ARHGEF37: variants seen among roughly 807,000 people sequenced by gnomAD.
ARHGEF37 encodes Rho guanine nucleotide exchange factor 37.
In ARHGEF37, 55 loss-of-function variants were observed where a neutral mutation model predicts 71.1. The ratio of observed to expected loss-of-function variants is 0.77; its 90% CI spans 0.62 to 0.97. The LOEUF (loss-of-function observed/expected upper bound fraction) is 0.97. Among genes scored for constraint, ARHGEF37 ranks in the 50% least tolerant of loss-of-function variants. ARHGEF37 has a pLI of 0.00. For synonymous variants in ARHGEF37, 327 were observed against 350.6 expected, an observed-to-expected ratio of 0.93 and a Z score of 0.75; for missense variants, 765 against 836.8, an observed-to-expected ratio of 0.91 and a Z score of 1.06.
intron 2 of ARHGEF37, among the ~76,000 whole-genome samples, chr5:149,600,324 T>C (rs1763714036): frequency 6.6e-6 from 1 of 152,232 alleles, no homozygotes; most frequent in Non-Finnish European, 1.5e-5. Flanking sequence ...TAGATATTGT[T>C]CTTCAGTTAG....
chr5:149,565,293 G>A (rs866483996), intron 1 of ARHGEF37, among the ~76,000 whole-genome samples: 4 of 152,306 alleles, frequency 2.6e-5, no homozygotes, highest in East Asian at 3.9e-4. Context: ...CCAGTGGACC[G>A]ATGAGCCATG....
chr5:149,591,939 A>G (rs1763420573), intron 1 of ARHGEF37, among the ~76,000 whole-genome samples: 1 of 152,194 alleles, frequency 6.6e-6, no homozygotes, highest in Non-Finnish European at 1.5e-5. Flanking sequence ...TCAACTTATA[A>G]TGGGTTTATC....
intron 7 of ARHGEF37, among the ~76,000 whole-genome samples, chr5:149,619,639 A>G (rs1752477455): frequency 6.6e-6 from 1 of 152,296 alleles, no homozygotes; most frequent in South Asian, 2.1e-4. Flanking sequence ...TTTTGATGAC[A>G]TCTCCTGATG....
chr5:149,573,270 T>C (rs1480804600), intron 1 of ARHGEF37, among the ~76,000 whole-genome samples: 1 of 152,110 alleles, frequency 6.6e-6, no homozygotes, highest in Admixed American at 6.6e-5. Context: ...TGGGAACAAA[T>C]TTCAACATGA....
At chr5:149,605,038 C>T (rs1313003436) in intron 3 of ARHGEF37, among the ~76,000 whole-genome samples, 1 of 151,380 alleles carries the variant, frequency 6.6e-6, no homozygotes, top group East Asian at 2.0e-4. Context: ...ACCAGCTTGG[C>T]CAACATAGTG....
chr5:149,624,736 C>T (rs1366019138), intron 10 of ARHGEF37, among the ~76,000 whole-genome samples: 1 of 152,184 alleles, frequency 6.6e-6, no homozygotes, highest in Non-Finnish European at 1.5e-5. Context: ...GTATCCTTTT[C>T]CTTCCCTGCC....
In ARHGEF37 at chr5:149,607,755, CTTTTTTTTT is replaced by C. The variant is rs67079479; in HGVS notation, c.311-1776_311-1768del. On this transcript the variant is annotated intron_variant, in intron 3 of 12. Coordinates refer to ENST00000333677, the MANE Select transcript of ARHGEF37 (RefSeq NM_001001669.3). Reference sequence around the variant, plus strand: ...GGTGGGGAGAATTATAAAGAAACTTCTTTTTTTTTTTTTTTTTTTTTTTTTGAGATGGAG... The same window carrying C: ...GGTGGGGAGAATTATAAAGAAACTTCTTTTTTTTTTTTTTTTGAGATGGAG... Among the ~76,000 whole-genome samples the C allele has an allele frequency of 3.1e-4, 26 of 83,106 alleles. 1 individual carries two copies. The highest frequency in any genetic ancestry group is 1.2e-3 in the African/African-American group (23 of 19,392). 54.5% of individuals were successfully genotyped at this position (83,106 alleles called of 152,430 possible). A position where few individuals can be genotyped will look rare whatever the true frequency, so the allele number is the denominator to read the frequency against.
intron 1 of ARHGEF37, among the ~76,000 whole-genome samples, chr5:149,563,741 G>A (rs1762864731): frequency 6.6e-6 from 1 of 152,136 alleles, no homozygotes; most frequent in East Asian, 1.9e-4. Flanking sequence ...ACTATGACAC[G>A]ACCACTTCTG....
intron 3 of ARHGEF37, among the ~76,000 whole-genome samples, chr5:149,607,756 T>A (rs1445548220): frequency 2.8e-5 from 1 of 35,384 alleles, no homozygotes; most frequent in Admixed American, 1.9e-4. Flanking sequence ...AAGAAACTTC[T>A]TTTTTTTTTT....
intron 1 of ARHGEF37, chr5:149,552,271 C>G (rs1293255924): frequency 1.5e-5 from 2 of 136,808 alleles, no homozygotes; most frequent in Admixed American, 7.4e-5. Flanking sequence ...TTGTTGAAAA[C>G]CTCAGTATTA....
intron 1 of ARHGEF37, among the ~76,000 whole-genome samples, chr5:149,597,489 C>T (rs1473311308): frequency 2.0e-5 from 3 of 152,114 alleles, no homozygotes; most frequent in Non-Finnish European, 4.4e-5. Flanking sequence ...GAACTCCTGA[C>T]ATCAGGTGAT....
chr5:149,614,521 G>A (rs1580923991), intron 4 of ARHGEF37, among the ~76,000 whole-genome samples: 1 of 152,342 alleles, frequency 6.6e-6, no homozygotes, highest in East Asian at 1.9e-4. Context: ...TGTAAGGAAA[G>A]TACGCGGTCA....
chr5:149,554,218 A>G (rs1406905595), intron 1 of ARHGEF37, among the ~76,000 whole-genome samples: 1 of 152,116 alleles, frequency 6.6e-6, no homozygotes, highest in African/African-American at 2.4e-5. Flanking sequence ...TAATCCCAAC[A>G]CTTTGGGAGG....
chr5:149,596,028 C>T (rs1456212688), intron 1 of ARHGEF37, among the ~76,000 whole-genome samples: 2 of 151,094 alleles, frequency 1.3e-5, no homozygotes, highest in Non-Finnish European at 2.9e-5. Flanking sequence ...GAGCTTGTCT[C>T]CTATTCCTAC....
At chr5:149,569,208 C>T (rs979936721) in intron 1 of ARHGEF37, among the ~76,000 whole-genome samples, 1 of 151,998 alleles carries the variant, frequency 6.6e-6, no homozygotes, top group Non-Finnish European at 1.5e-5. Context: ...CATTCTTCTA[C>T]GTGACTTTCT....
At chr5:149,586,987 A>G (rs1763259621) in intron 1 of ARHGEF37, among the ~76,000 whole-genome samples, 3 of 152,204 alleles carry the variant, frequency 2.0e-5, no homozygotes, top group East Asian at 1.9e-4. Context: ...AAATTAGCCT[A>G]TGCTGACTCC....
At chr5:149,602,419 G>C (rs919956417) in intron 3 of ARHGEF37, among the ~76,000 whole-genome samples, 16 of 152,098 alleles carry the variant, frequency 1.1e-4, no homozygotes, top group Admixed American at 6.5e-4. Context: ...GGTGGTGAGA[G>C]TGGAAGCAGC....
chr5:149,619,057 G>A lies in ARHGEF37; in HGVS notation c.894+15G>A, dbSNP rs745910491. Reference sequence around the variant, plus strand: ...ACAATCTGCAGGTGAGGACACTGCAGGGTTCATAAAGGGCGAGTCTGGGCT... The same window carrying A: ...ACAATCTGCAGGTGAGGACACTGCAAGGTTCATAAAGGGCGAGTCTGGGCT... On this transcript the variant is annotated intron_variant, in intron 7 of 12. Coordinates refer to ENST00000333677, the MANE Select transcript of ARHGEF37 (RefSeq NM_001001669.3). The A allele has an allele frequency of 1.1e-5, 18 of 1,610,250 alleles. No homozygotes were observed. In the East Asian group the frequency reaches 2.0e-4, roughly 18 times the overall value.
intron 1 of ARHGEF37, among the ~76,000 whole-genome samples, chr5:149,584,131 C>A (rs950906185): frequency 1.3e-5 from 2 of 152,144 alleles, no homozygotes; most frequent in Non-Finnish European, 2.9e-5. Context: ...AACTTTAAAT[C>A]TATGGATCCA....
Sources: gnomAD v4.1 joint callset for allele counts (sites outside exome capture counted in the v4.1 genomes callset) on GRCh38, gnomAD v4.1.1 for gene constraint, MANE v1.5 for transcripts, NCBI Gene and HGNC (gene_info 2026-07-23, HGNC 2026-07-21) for gene names.